RGS6: variants seen among roughly 807,000 people sequenced by gnomAD.
RGS6 encodes regulator of G-protein signaling 6.
RGS6 carries 30 observed loss-of-function variants against 78.5 expected under a neutral mutation model. The ratio of observed to expected loss-of-function variants is 0.38; its 90% confidence interval spans 0.29 to 0.52. The LOEUF (loss-of-function observed/expected upper bound fraction) is 0.52. Ranked by LOEUF, RGS6 falls within the 20% of genes least tolerant of loss-of-function variation. RGS6 has a pLI of 0.85. For synonymous variants in RGS6, 206 were observed against 206.0 expected (o/e 1.00, Z 0.00); for missense variants, 495 against 609.7 (o/e 0.81, Z 1.98).
At chr14:72,399,765 T>G (rs1339104782) in intron 3 of RGS6, among the ~76,000 whole-genome samples, 2 of 152,146 alleles carry the variant, frequency 1.3e-5, no homozygotes, top group Non-Finnish European at 2.9e-5. Flanking sequence ...GTCTGTAAAG[T>G]ATTTTATTTC....
At chr14:72,192,995 T>C (rs1387494711) in intron 2 of RGS6, among the ~76,000 whole-genome samples, 4 of 147,880 alleles carry the variant, frequency 2.7e-5, no homozygotes, top group Admixed American at 6.8e-5. Flanking sequence ...TTTTTTTTTT[T>C]CTTTCTTTTT....
intron 2 of RGS6, among the ~76,000 whole-genome samples, chr14:71,967,353 C>T (rs1243055553): frequency 6.6e-6 from 1 of 152,100 alleles, no homozygotes; most frequent in Non-Finnish European, 1.5e-5. Flanking sequence ...TGACTTAAAC[C>T]ATGGTTGTAC....
chr14:71,876,508 T>A, the RGS6 span, among the ~76,000 whole-genome samples: 1 of 110,946 alleles, frequency 9.0e-6, no homozygotes, highest in African/African-American at 3.8e-5. Flanking sequence ...TTTTTTTTTT[T>A]TTTGCTTTCC....
At chr14:71,962,863 T>C (rs1286958921) in intron 1 of RGS6, among the ~76,000 whole-genome samples, 1 of 152,228 alleles carries the variant, frequency 6.6e-6, no homozygotes, top group Non-Finnish European at 1.5e-5. Flanking sequence ...TGGTAGCAAC[T>C]TGTTTTATAA....
At chr14:72,629,717 C>G in the RGS6 span, 1 of 1,536,076 alleles carries the variant, frequency 6.5e-7, no homozygotes, top group South Asian at 1.2e-5. Flanking sequence ...TCAGGGTAAA[C>G]TGCAGGCAGG....
chr14:72,032,306 T>C (rs1443766973), intron 2 of RGS6, among the ~76,000 whole-genome samples: 1 of 152,182 alleles, frequency 6.6e-6, no homozygotes, highest in African/African-American at 2.4e-5. Flanking sequence ...TCAGCAGTGG[T>C]TTATCAGTTT....
At chr14:72,521,669 A>C (rs532489554) in intron 15 of RGS6, among the ~76,000 whole-genome samples, 1 of 152,284 alleles carries the variant, frequency 6.6e-6, no homozygotes, top group Non-Finnish European at 1.5e-5. Context: ...TTTCAGACCA[A>C]TTTCCTATTG....
At chr14:72,151,829 A>G (rs958389324) in intron 2 of RGS6, among the ~76,000 whole-genome samples, 4 of 152,242 alleles carry the variant, frequency 2.6e-5, no homozygotes, top group Non-Finnish European at 5.9e-5. Flanking sequence ...TATCAGAACC[A>G]TCTGGTTCTG....
At chr14:72,018,609 A>G (rs2087629338) in intron 2 of RGS6, among the ~76,000 whole-genome samples, 1 of 152,228 alleles carries the variant, frequency 6.6e-6, no homozygotes, top group Non-Finnish European at 1.5e-5. Context: ...CCTCCCTTGG[A>G]GACAGACAGA....
chr14:71,921,432 C>T, the RGS6 span, among the ~76,000 whole-genome samples: 2 of 152,226 alleles, frequency 1.3e-5, no homozygotes, highest in Non-Finnish European at 2.9e-5. Context: ...ATGTTTATTG[C>T]AACATCATAC....
chr14:72,535,280 G>A (rs922801562), intron 15 of RGS6, among the ~76,000 whole-genome samples: 4 of 152,184 alleles, frequency 2.6e-5, no homozygotes, highest in African/African-American at 9.7e-5. Flanking sequence ...GCCCCTCCTG[G>A]GTGTTAGTTA....
chr14:72,182,522 A>G (rs1292391690), intron 2 of RGS6, among the ~76,000 whole-genome samples: 1 of 152,016 alleles, frequency 6.6e-6, no homozygotes, highest in Non-Finnish European at 1.5e-5. Context: ...CACTCCTTGC[A>G]CTCCGTAGTG....
At chr14:72,452,812 A>G (rs1424480843) in intron 3 of RGS6, among the ~76,000 whole-genome samples, 1 of 152,244 alleles carries the variant, frequency 6.6e-6, no homozygotes, top group African/African-American at 2.4e-5. Flanking sequence ...AGGTAGATTG[A>G]CCAGAAATTC....
chr14:72,464,606 G>A (rs1021225964), intron 6 of RGS6: 14 of 152,144 alleles, frequency 9.2e-5, no homozygotes, highest in African/African-American at 2.2e-4. Context: ...GTTCTCTCTG[G>A]CCCTCCCTCT....
At chr14:72,518,624 T>C in intron 15 of RGS6, 87 bp downstream of exon 15, 1 of 1,256,300 alleles carries the variant, frequency 8.0e-7, no homozygotes, top group Non-Finnish European at 1.1e-6. Flanking sequence ...CAAGGCATTG[T>C]GGGTAGTTAA....
chr14:71,882,069 C>T, the RGS6 span, among the ~76,000 whole-genome samples: 1 of 152,182 alleles, frequency 6.6e-6, no homozygotes, highest in Non-Finnish European at 1.5e-5. Flanking sequence ...TTACGCCATC[C>T]CAGACTGAAA....
intron 2 of RGS6, among the ~76,000 whole-genome samples, chr14:72,111,131 A>G (rs528122251): frequency 4.9e-4 from 75 of 152,322 alleles, no homozygotes; most frequent in African/African-American, 1.6e-3. Context: ...TTAGATTGAT[A>G]ATAATCTGTG....
At chr14:71,936,031 T>TG (rs2089213772) in intron 1 of RGS6, among the ~76,000 whole-genome samples, 1 of 114,188 alleles carries the variant, frequency 8.8e-6, no homozygotes, top group African/African-American at 3.1e-5. Flanking sequence ...TATATATATA[T>TG]ATATATATAT....
chr14:72,065,367 G>A (rs535878857), intron 2 of RGS6, among the ~76,000 whole-genome samples: 1 of 152,280 alleles, frequency 6.6e-6, no homozygotes, highest in East Asian at 1.9e-4. Flanking sequence ...CAAAACTATA[G>A]GCAACAGCTA....
Sources: gnomAD v4.1 joint callset for allele counts (sites outside exome capture counted in the v4.1 genomes callset) on GRCh38, gnomAD v4.1.1 for gene constraint, MANE v1.5 for transcripts, NCBI Gene and HGNC (gene_info 2026-07-23, HGNC 2026-07-21) for gene names.